TMEM178B: variants seen among roughly 807,000 people sequenced by gnomAD.
TMEM178B encodes the protein transmembrane protein 178B.
Under a neutral mutation model 31.0 loss-of-function variants are expected in TMEM178B, and 5 were observed. The observed-to-expected ratio is 0.16, with a 90% CI of 0.08 to 0.34. TMEM178B has a LOEUF of 0.34. Ranked by LOEUF, TMEM178B falls within the 10% of genes least tolerant of loss-of-function variation. The pLI, the probability that TMEM178B is intolerant of heterozygous loss-of-function variation, is 1.00. For synonymous variants in TMEM178B, 164 were observed against 164.0 expected, an observed-to-expected ratio of 1.00 and a Z score of 0.00; for missense variants, 275 against 400.3, an observed-to-expected ratio of 0.69 and a Z score of 2.67.
At chr7:141,293,115 C>T (rs1798574846) in intron 2 of TMEM178B, among the ~76,000 whole-genome samples, 1 of 152,170 alleles carries the variant, frequency 6.6e-6, no homozygotes, top group Admixed American at 6.5e-5. Context: ...TAGGGAGAAA[C>T]CAAATCACTC....
intron 1 of TMEM178B, among the ~76,000 whole-genome samples, chr7:141,211,761 G>C (rs534052076): frequency 6.6e-6 from 1 of 152,156 alleles, no homozygotes; most frequent in African/African-American, 2.4e-5. Flanking sequence ...GTTTCTCCAA[G>C]GCAGTGGTTC....
At chr7:141,221,581 T>A (rs1238016421) in intron 2 of TMEM178B, among the ~76,000 whole-genome samples, 2 of 152,124 alleles carry the variant, frequency 1.3e-5, no homozygotes, top group East Asian at 3.9e-4. Context: ...GAATAAGAAA[T>A]AGACAATGGT....
intron 1 of TMEM178B, among the ~76,000 whole-genome samples, chr7:141,103,081 G>A (rs149586899): frequency 6.2e-4 from 94 of 152,286 alleles, no homozygotes; most frequent in African/African-American, 2.1e-3. Context: ...GTAGCACTTC[G>A]TGTCATTTGT....
At chr7:141,209,407 A>G (rs929985251) in intron 1 of TMEM178B, among the ~76,000 whole-genome samples, 8 of 152,340 alleles carry the variant, frequency 5.3e-5, no homozygotes, top group Non-Finnish European at 1.0e-4. Flanking sequence ...GCCTCCTTTA[A>G]TTCATTAGAT....
chr7:141,135,683 A>G, intron 1 of TMEM178B, among the ~76,000 whole-genome samples: 1 of 152,134 alleles, frequency 6.6e-6, no homozygotes, highest in East Asian at 1.9e-4. Flanking sequence ...TCTTGAAACA[A>G]ATGAAAATTG....
chr7:141,147,580 G>A (rs1443989425), intron 1 of TMEM178B, among the ~76,000 whole-genome samples: 2 of 152,164 alleles, frequency 1.3e-5, no homozygotes, highest in Non-Finnish European at 1.5e-5. Flanking sequence ...TGGAAGCAAT[G>A]GAGAGGAGGG....
downstream of TMEM178B, among the ~76,000 whole-genome samples, chr7:141,480,895 C>A (rs1251971925): frequency 6.6e-6 from 1 of 152,184 alleles, no homozygotes; most frequent in Non-Finnish European, 1.5e-5. Context: ...ACTGGAGAAG[C>A]AAGTGCTCTG....
chr7:141,497,677 TCTC>T, the TMEM178B span, among the ~76,000 whole-genome samples: 1 of 152,192 alleles, frequency 6.6e-6, no homozygotes, highest in Non-Finnish European at 1.5e-5. Context: ...GTGCCAAATC[TCTC>T]CTCCTCAACC....
chr7:141,293,167 C>T (rs1399754226), intron 2 of TMEM178B, among the ~76,000 whole-genome samples: 3 of 152,134 alleles, frequency 2.0e-5, no homozygotes, highest in African/African-American at 4.8e-5. Flanking sequence ...GGAGATGAAA[C>T]ACACTTGAAA....
Position 141,461,029 on chromosome 7 carries a change from G to A in TMEM178B, c.635-9507G>A, listed in dbSNP as rs150373440. On this transcript the variant is annotated intron_variant, in intron 3 of 3. Coordinates refer to ENST00000565468, the MANE Select transcript of TMEM178B (RefSeq NM_001195278.2). The surrounding 1 kb of genome is among the most constrained non-coding windows in gnomAD (Gnocchi z 4.0). Reference sequence around the variant, plus strand: ...ACAAAGCTGTAAAATGCTCTCGAGAGCTAAATGCGGCTGAAGCATTTAATC... The same window carrying A: ...ACAAAGCTGTAAAATGCTCTCGAGAACTAAATGCGGCTGAAGCATTTAATC... Among the ~76,000 whole-genome samples the A allele has an allele frequency of 3.9e-5, 6 of 152,342 alleles. No individual in the cohort carries two copies. The highest frequency in any genetic ancestry group is 7.3e-5 in the Non-Finnish European group (5 of 68,034).
chr7:141,463,628 CGAA>C, intron 3 of TMEM178B, among the ~76,000 whole-genome samples: 1 of 152,318 alleles, frequency 6.6e-6, no homozygotes, highest in South Asian at 2.1e-4. Flanking sequence ...ATGCTACTTC[CGAA>C]GAAGGCCAGG....
chr7:141,219,866 T>G (rs1339001447), intron 2 of TMEM178B, among the ~76,000 whole-genome samples: 1 of 152,220 alleles, frequency 6.6e-6, no homozygotes, highest in Non-Finnish European at 1.5e-5. Context: ...CCCTCAGGTT[T>G]CTGTTGGAGA....
At chr7:141,313,391 C>T (rs1334759596) in intron 2 of TMEM178B, among the ~76,000 whole-genome samples, 1 of 152,158 alleles carries the variant, frequency 6.6e-6, no homozygotes, top group Non-Finnish European at 1.5e-5. Context: ...GGAAGTTAGG[C>T]TCTCTCTTGC....
intron 2 of TMEM178B, among the ~76,000 whole-genome samples, chr7:141,296,749 A>G (rs1044102092): frequency 1.2e-4 from 19 of 152,190 alleles, no homozygotes; most frequent in African/African-American, 4.6e-4. Flanking sequence ...CTCTAGTGCA[A>G]TCTGGCAGAA....
downstream of TMEM178B, among the ~76,000 whole-genome samples, chr7:141,484,087 A>G (rs1802520704): frequency 6.6e-6 from 1 of 152,128 alleles, no homozygotes; most frequent in South Asian, 2.1e-4. The surrounding 1 kb of genome is among the most constrained non-coding windows in gnomAD (Gnocchi z 4.8). Context: ...TCCCACACGT[A>G]CCCCACTCAC....
chr7:141,195,161 C>G (rs910058881), intron 1 of TMEM178B, among the ~76,000 whole-genome samples: 1 of 152,224 alleles, frequency 6.6e-6, no homozygotes, highest in Non-Finnish European at 1.5e-5. Context: ...ACATTAGGCT[C>G]TTTGCTGTTT....
intron 1 of TMEM178B, among the ~76,000 whole-genome samples, chr7:141,200,712 CA>C (rs1486694060): frequency 6.6e-6 from 1 of 152,082 alleles, no homozygotes; most frequent in Admixed American, 6.6e-5. Flanking sequence ...TAGGGGTGAA[CA>C]GTGTGGGCAA....
intron 2 of TMEM178B, among the ~76,000 whole-genome samples, chr7:141,257,524 C>A (rs1196288222): frequency 1.3e-5 from 2 of 152,098 alleles, no homozygotes; most frequent in African/African-American, 4.8e-5. Context: ...GCTGAATGAC[C>A]ATTGAAGTTT....
chr7:141,338,660 T>C (rs1799466124), intron 2 of TMEM178B, among the ~76,000 whole-genome samples: 1 of 152,256 alleles, frequency 6.6e-6, no homozygotes, highest in African/African-American at 2.4e-5. Context: ...GGACACTGTA[T>C]GCAGTATGAA....
Sources: gnomAD v4.1 joint callset for allele counts (sites outside exome capture counted in the v4.1 genomes callset) on GRCh38, gnomAD v4.1.1 for gene constraint, Gnocchi (gnomAD v3.1) non-coding constraint, MANE v1.5 for transcripts, NCBI Gene and HGNC (gene_info 2026-07-23, HGNC 2026-07-21) for gene names.